Variants in REPS2 observed in about 807,000 individuals in gnomAD.
REPS2 encodes the protein RALBP1 associated Eps domain containing 2, also known as ralBP1-associated Eps domain-containing protein 2.
REPS2 carries 23 observed loss-of-function variants against 53.6 expected under a neutral mutation model. That is an observed-to-expected ratio of 0.43 (90% CI 0.31 to 0.61). The LOEUF (loss-of-function observed/expected upper bound fraction) is 0.61, where lower values mean the gene tolerates loss of function less well. Among genes scored for constraint, REPS2 ranks in the 20% least tolerant of loss-of-function variants. The pLI is 0.11. For missense variants in REPS2, 446 were observed against 534.9 expected, an observed-to-expected ratio of 0.83 and a Z score of 1.64; for synonymous variants, 238 against 218.6, an observed-to-expected ratio of 1.09 and a Z score of -0.78.
chrX:17,026,919 G>T (rs2061652457), intron 4 of REPS2, among the ~76,000 whole-genome samples: 1 of 111,119 alleles, frequency 9.0e-6, no homozygotes, highest in Non-Finnish European at 1.9e-5. Flanking sequence ...TCCTGAGTTG[G>T]TGGGATTACA....
At chrX:17,106,836 C>G (rs2062881441) in intron 14 of REPS2, among the ~76,000 whole-genome samples, 1 of 112,044 alleles carries the variant, frequency 8.9e-6, no homozygotes, top group African/African-American at 3.2e-5. Flanking sequence ...ATAACCAAGA[C>G]AATCCTAAGC....
intron 14 of REPS2, among the ~76,000 whole-genome samples, chrX:17,119,868 C>CTTTTTTTT (rs35141257): frequency 4.9e-5 from 2 of 40,516 alleles, no homozygotes; most frequent in African/African-American, 2.4e-4. Flanking sequence ...CGCACTGTGA[C>CTTTTTTTT]TTTTTTTTTT....
intron 1 of REPS2, among the ~76,000 whole-genome samples, chrX:16,980,599 A>T (rs2061010106): frequency 8.9e-6 from 1 of 112,392 alleles, no homozygotes; most frequent in Non-Finnish European, 1.9e-5. Flanking sequence ...GCCTGGCCAC[A>T]TTACCACCAG....
chrX:17,194,176 A>G, the REPS2 span, among the ~76,000 whole-genome samples: 1 of 111,809 alleles, frequency 8.9e-6, no homozygotes, highest in African/African-American at 3.3e-5. Flanking sequence ...TGGAGCCTCA[A>G]TTTCTTCTTT....
In REPS2 at chrX:17,062,423, T is replaced by G. The variant is rs371720803; in HGVS notation, c.1115-15T>G. ...ATAGGAAATATTCTGATATATTCTT[T>G]TTGTTTCTTCTTAGCTTTTCCTAAG... On this transcript the variant is annotated splice_polypyrimidine_tract_variant and intron_variant, in intron 8 of 17. Coordinates refer to ENST00000357277, the MANE Select transcript of REPS2 (RefSeq NM_004726.3). 6 of 1,121,564 alleles carry G rather than the reference T, an allele frequency of 5.3e-6. No homozygotes were observed. Among genetic ancestry groups the G allele is most frequent in the Non-Finnish European group, 7.3e-6 (6 of 820,847 alleles). The allele number at this position is 1,121,564 out of a possible 1,213,427, so 92.4% of individuals were successfully genotyped here.
intron 11 of REPS2, among the ~76,000 whole-genome samples, chrX:17,071,378 T>A (rs2062301993): frequency 9.3e-6 from 1 of 108,067 alleles, no homozygotes; most frequent in Non-Finnish European, 1.9e-5. Context: ...TTTTTTTTTT[T>A]TAAGGGATTT....
At chrX:17,077,165 G>A (rs1457174462) in intron 12 of REPS2, 106 bp from the exon 13 acceptor site, 22 of 852,051 alleles carry the variant, frequency 2.6e-5, no homozygotes, top group African/African-American at 1.0e-4. Context: ...GTAGCTCATC[G>A]GTTCTTTGTA....
intron 1 of REPS2, among the ~76,000 whole-genome samples, chrX:16,964,073 G>A (rs1325715792): frequency 1.3e-4 from 14 of 104,267 alleles, no homozygotes; most frequent in African/African-American, 3.5e-4. Context: ...GGTGTTTCTC[G>A]CAGAGGGGGA....
At chrX:17,154,096 A>C (rs1390425508), downstream of REPS2, among the ~76,000 whole-genome samples, 1 of 111,775 alleles carries the variant, frequency 8.9e-6, no homozygotes, top group Non-Finnish European at 1.9e-5. Flanking sequence ...CCCTGTGTTC[A>C]TAAGCCCTCT....
At chrX:17,161,097 T>G in the REPS2 span, among the ~76,000 whole-genome samples, 1 of 111,202 alleles carries the variant, frequency 9.0e-6, no homozygotes, top group Non-Finnish European at 1.9e-5. Flanking sequence ...GATGCTGTAA[T>G]GGGATGAGAC....
the REPS2 span, among the ~76,000 whole-genome samples, chrX:17,167,393 A>G: frequency 9.0e-6 from 1 of 110,809 alleles, no homozygotes; most frequent in Non-Finnish European, 1.9e-5. Flanking sequence ...TTTTTATTGT[A>G]TTATCTCCTT....
chrX:16,987,092 A>G (rs1218397746), intron 1 of REPS2, among the ~76,000 whole-genome samples: 1 of 108,996 alleles, frequency 9.2e-6, no homozygotes, highest in Non-Finnish European at 1.9e-5. Flanking sequence ...ATTTATTTAT[A>G]TTAATTAATT....
the REPS2 span, among the ~76,000 whole-genome samples, chrX:17,172,979 G>GTA: frequency 9.2e-6 from 1 of 108,961 alleles, no homozygotes; most frequent in Admixed American, 9.9e-5. Context: ...GTATGTATGT[G>GTA]TGTGTGTGTG....
At chrX:16,947,862 G>T (rs113295395) in intron 1 of REPS2, among the ~76,000 whole-genome samples, 117 of 111,480 alleles carry the variant, frequency 1.0e-3, no homozygotes, top group African/African-American at 3.6e-3. Flanking sequence ...TGAAAGGTAA[G>T]GGATGTCATA....
At chrX:17,174,654 C>A in the REPS2 span, among the ~76,000 whole-genome samples, 2 of 112,435 alleles carry the variant, frequency 1.8e-5, no homozygotes, top group Admixed American at 9.4e-5. Flanking sequence ...ACTCCAGAGT[C>A]AACTCAGTCT....
intron 6 of REPS2, among the ~76,000 whole-genome samples, chrX:17,050,141 C>CCTTTCTTTCTTTCTTTCTTTCTTTCTTT (rs774556038): frequency 2.9e-4 from 6 of 20,384 alleles, no homozygotes; most frequent in African/African-American, 9.6e-4. Flanking sequence ...TTCCTTTCTT[C>CCTTTCTTTCTTTCTTTCTTTCTTTCTTT]CTTTCTTTCT....
At position 16,966,380 on chromosome X, in the gene REPS2, A is replaced by G. The variant is rs1057391700; in HGVS notation, c.273+19246A>G. 2.7e-5 allele frequency among the ~76,000 whole-genome samples: 3 copies of G among 111,995 alleles called. No individual in the cohort carries two copies. The East Asian group carries it at 8.3e-4, about 31-fold the overall frequency. ...GTATCTCATATCTGAAATGCTTGGG[A>G]CCAGAAGTGTTTTGGATTTTGGATT... On this transcript the variant is annotated intron_variant, in intron 1 of 17. Coordinates refer to ENST00000357277, the MANE Select transcript of REPS2 (RefSeq NM_004726.3).
the REPS2 span, among the ~76,000 whole-genome samples, chrX:17,174,695 C>T: frequency 1.7e-4 from 19 of 112,741 alleles, no homozygotes; most frequent in Admixed American, 1.1e-3. Flanking sequence ...CATCAATTAC[C>T]TGCTGTTTTA....
intron 14 of REPS2, among the ~76,000 whole-genome samples, chrX:17,130,314 C>T (rs1221059602): frequency 2.7e-5 from 3 of 111,737 alleles, no homozygotes; most frequent in East Asian, 2.8e-4. Context: ...TGAGTTCCCC[C>T]TCACTCCTGC....
Sources: allele counts gnomAD v4.1 joint callset (sites outside exome capture counted in the v4.1 genomes callset), GRCh38; gene constraint gnomAD v4.1.1; transcripts MANE v1.5; gene names NCBI Gene and HGNC (gene_info 2026-07-23, HGNC 2026-07-21).